DCTN4: variants seen among roughly 807,000 people sequenced by gnomAD.
DCTN4 encodes the protein dynactin 4 (p62).
A neutral mutation model predicts 62.7 loss-of-function variants in DCTN4; 23 were observed. The ratio of observed to expected loss-of-function variants is 0.37; its 90% CI spans 0.26 to 0.52. The LOEUF (loss-of-function observed/expected upper bound fraction) is 0.52. Ranked by LOEUF, DCTN4 falls within the 20% of genes least tolerant of loss-of-function variation. The pLI is 0.92. For synonymous variants in DCTN4, 199 were observed against 202.1 expected (o/e 0.98, Z 0.13); for missense variants, 514 against 580.4 (o/e 0.89, Z 1.18).
intron 3 of DCTN4, among the ~76,000 whole-genome samples, chr5:150,744,828 G>A (rs1760902924): frequency 6.6e-6 from 1 of 152,046 alleles, no homozygotes; most frequent in African/African-American, 2.4e-5. Context: ...ACCAGCCGCT[G>A]CAAAATCATG....
chr5:150,733,704 G>A (rs1581583397), intron 4 of DCTN4: 1 of 404,514 alleles, frequency 2.5e-6, no homozygotes, highest in African/African-American at 2.1e-5. Context: ...GAAGAGGCTT[G>A]GAAATTTTTT....
At chr5:150,735,875 A>T (rs1358208306) in intron 4 of DCTN4, among the ~76,000 whole-genome samples, 1 of 151,792 alleles carries the variant, frequency 6.6e-6, no homozygotes, top group Non-Finnish European at 1.5e-5. Flanking sequence ...AGCTACTCAA[A>T]GGGGCACCAG....
intron 8 of DCTN4, among the ~76,000 whole-genome samples, chr5:150,729,881 T>C (rs1760294514): frequency 6.6e-6 from 1 of 152,100 alleles, no homozygotes. Flanking sequence ...CTTTCCCTTC[T>C]TCCCTCCTCC....
chr5:150,753,965 G>T (rs1752769314), intron 2 of DCTN4, among the ~76,000 whole-genome samples: 1 of 152,158 alleles, frequency 6.6e-6, no homozygotes, highest in Admixed American at 6.6e-5. Context: ...CTGAGGAAGA[G>T]AACTGTCACA....
intron 8 of DCTN4, among the ~76,000 whole-genome samples, chr5:150,725,485 G>A (rs1760110257): frequency 6.6e-6 from 1 of 151,522 alleles, no homozygotes; most frequent in South Asian, 2.1e-4. Flanking sequence ...TTAATTTACT[G>A]TATTTTATAT....
intron 8 of DCTN4, among the ~76,000 whole-genome samples, chr5:150,727,794 AAAAC>A (rs1344752944): frequency 0.043 from 5,532 of 128,110 alleles, 241 homozygotes; most frequent in East Asian, 0.13. Flanking sequence ...AAAAAAAAAA[AAAAC>A]AAAAAACCCA....
chr5:150,732,690 G>C lies in DCTN4; in HGVS notation c.537+678C>G, dbSNP rs565638412. ...ATTCAATAAATGTTATTTATTGAAT[G>C]TCAATTTGCTGGGCCCCAAGCAAGC... On this transcript the variant is annotated intron_variant, in intron 5 of 12. Transcript: ENST00000447998. Among the ~76,000 whole-genome samples the C allele has an allele frequency of 6.0e-4, 92 of 152,252 alleles. 1 individual carries two copies. The highest frequency in any genetic ancestry group is 1.6e-3 in the Admixed American group (25 of 15,292).
chr5:150,718,455 T>C, intron 10 of DCTN4, 72 bp from the exon 11 acceptor site: 1 of 995,208 alleles, frequency 1.0e-6, no homozygotes, highest in Non-Finnish European at 1.5e-6. Flanking sequence ...TTTCGCAAAA[T>C]TACCATCCCC....
chr5:150,714,097 G>C (rs375428664), intron 12 of DCTN4, among the ~76,000 whole-genome samples: 2 of 152,114 alleles, frequency 1.3e-5, no homozygotes, highest in African/African-American at 4.8e-5. Context: ...CAGCCTGGGC[G>C]ACAGAGACTC....
At chr5:150,728,443 G>A (rs1410803204) in intron 8 of DCTN4, among the ~76,000 whole-genome samples, 1 of 152,056 alleles carries the variant, frequency 6.6e-6, no homozygotes, top group Non-Finnish European at 1.5e-5. Context: ...TTGTCCAAAT[G>A]TTCTATATTC....
chr5:150,715,760 A>G (rs183357221), intron 11 of DCTN4, 98 bp from the exon 12 acceptor site: 2 of 926,160 alleles, frequency 2.2e-6, no homozygotes, highest in Admixed American at 4.3e-5. Flanking sequence ...GCACACAGCA[A>G]GTTTCAGGAA....
chr5:150,751,283 T>A (rs943696821), intron 3 of DCTN4, among the ~76,000 whole-genome samples: 6 of 152,102 alleles, frequency 3.9e-5, no homozygotes, highest in African/African-American at 1.4e-4. Flanking sequence ...TCTGTACGCT[T>A]TAAGAGCTCC....
intron 9 of DCTN4, among the ~76,000 whole-genome samples, chr5:150,720,478 T>A (rs976275998): frequency 1.3e-5 from 2 of 151,374 alleles, no homozygotes; most frequent in South Asian, 2.1e-4. Context: ...ACCAGAGCTC[T>A]GTATTTTTTT....
At chr5:150,758,680 C>T (rs1437985506) in intron 1 of DCTN4, 179 bp downstream of exon 1, 1 of 1,294,616 alleles carries the variant, frequency 7.7e-7, no homozygotes, top group Admixed American at 2.3e-5. Context: ...CCACCCGAGG[C>T]TGCTCCTCCT....
At chr5:150,724,567 G>A (rs1008397503) in intron 8 of DCTN4, among the ~76,000 whole-genome samples, 6 of 152,158 alleles carry the variant, frequency 3.9e-5, no homozygotes. Flanking sequence ...CCTTCTAGAA[G>A]TTTGGCTCTT....
intron 8 of DCTN4, 69 bp from the exon 9 acceptor site, chr5:150,723,049 A>T: frequency 1.7e-6 from 2 of 1,157,532 alleles, no homozygotes; most frequent in Non-Finnish European, 2.5e-6. Flanking sequence ...TAGAGCTGCT[A>T]AATTCAGAAG....
In DCTN4 at chr5:150,740,806, A is replaced by G. The variant is rs1760740306; in HGVS notation, c.429+1308T>C. Among the ~76,000 whole-genome samples the G allele has an allele frequency of 3.3e-5, 5 of 152,180 alleles. No homozygotes were observed. The South Asian group carries it at 1.0e-3, about 32-fold the overall frequency. ...AAGTGAAGTAACTCAGGAATGGAAA[A>G]CCAAACATCATACATTCTCACTCAT... is the stretch of plus-strand genomic sequence containing the variant. On this transcript the variant is annotated intron_variant, in intron 4 of 12. Coordinates refer to ENST00000447998, the MANE Select transcript of DCTN4 (RefSeq NM_016221.4).
chr5:150,725,662 C>T (rs1040960211), intron 8 of DCTN4, among the ~76,000 whole-genome samples: 4 of 151,966 alleles, frequency 2.6e-5, no homozygotes, highest in Non-Finnish European at 5.9e-5. Context: ...TTAGTTGTAT[C>T]CTGCAAGTTT....
At chr5:150,746,522 T>C (rs936549053) in intron 3 of DCTN4, among the ~76,000 whole-genome samples, 4 of 152,220 alleles carry the variant, frequency 2.6e-5, no homozygotes, top group Admixed American at 2.0e-4. Flanking sequence ...TGATGAACAT[T>C]GATGCAAAAA....
Sources: allele counts gnomAD v4.1 joint callset (sites outside exome capture counted in the v4.1 genomes callset), GRCh38; gene constraint gnomAD v4.1.1; transcripts MANE v1.5; gene names NCBI Gene and HGNC (gene_info 2026-07-23, HGNC 2026-07-21).